RAB6B: variants seen among roughly 807,000 people sequenced by gnomAD.
RAB6B encodes RAB6B, member RAS oncogene family.
RAB6B carries 7 observed loss-of-function variants against 31.2 expected under a neutral mutation model. The ratio of observed to expected loss-of-function variants is 0.22; its 90% CI spans 0.13 to 0.42. The LOEUF is 0.42. Among genes scored for constraint, RAB6B ranks in the 10% least tolerant of loss-of-function variants. RAB6B has a pLI of 1.00. For missense variants in RAB6B, 149 were observed against 280.6 expected, an observed-to-expected ratio of 0.53 and a Z score of 3.35; for synonymous variants, 105 against 104.9, an observed-to-expected ratio of 1.00 and a Z score of -0.01.
At chr3:133,832,135 G>A (rs529507234) in intron 7 of RAB6B, among the ~76,000 whole-genome samples, 7 of 152,298 alleles carry the variant, frequency 4.6e-5, no homozygotes, top group African/African-American at 1.7e-4. Context: ...CTTTCTTTGC[G>A]TAAGCCAGCC....
At chr3:133,842,402 C>T (rs1210224336) in intron 2 of RAB6B, among the ~76,000 whole-genome samples, 1 of 152,262 alleles carries the variant, frequency 6.6e-6, no homozygotes, top group African/African-American at 2.4e-5. Context: ...CTGGGCCTCA[C>T]AGGCACCCGG....
At chr3:133,872,937 G>C (rs1043636410) in intron 1 of RAB6B, among the ~76,000 whole-genome samples, 1 of 152,170 alleles carries the variant, frequency 6.6e-6, no homozygotes, top group African/African-American at 2.4e-5. Flanking sequence ...GTGAGGGAGG[G>C]AGGGGTTAGC....
At chr3:133,884,202 T>C (rs1463240265) in intron 1 of RAB6B, among the ~76,000 whole-genome samples, 1 of 152,222 alleles carries the variant, frequency 6.6e-6, no homozygotes, top group East Asian at 1.9e-4. Flanking sequence ...TAACGTCCAG[T>C]GGGCACTGCC....
chr3:133,835,212 G>A (rs929531601), intron 6 of RAB6B, among the ~76,000 whole-genome samples: 2 of 152,180 alleles, frequency 1.3e-5, no homozygotes, highest in Non-Finnish European at 2.9e-5. Context: ...GGATGTGTAG[G>A]AGTGTGAGTT....
At position 133,828,653 on chromosome 3, in the gene RAB6B, T is replaced by C; in HGVS notation, c.*135A>G. On this transcript the variant is annotated 3_prime_UTR_variant, in exon 8 of 8. Transcript: ENST00000285208. The stretch of plus-strand genomic sequence containing the variant: ...CCCAGCCTCCCTCCCCATCCCACCC[T>C]ACTCCTAAAGACAGAGAGAAAAGAA... The C allele has an allele frequency of 1.8e-5, 9 of 501,868 alleles. No homozygotes were observed. Among genetic ancestry groups the C allele is most frequent in the Non-Finnish European group, 3.1e-5 (8 of 254,640 alleles). The allele number at this position is 501,868 out of a possible 1,614,324, so 31.1% of individuals were successfully genotyped here. A position where few individuals can be genotyped will look rare whatever the true frequency, so the allele number is the denominator to read the frequency against.
At chr3:133,888,932 AT>A (rs1559915241) in intron 1 of RAB6B, among the ~76,000 whole-genome samples, 1 of 152,002 alleles carries the variant, frequency 6.6e-6, no homozygotes, top group Non-Finnish European at 1.5e-5. Context: ...AAAGCTGTCC[AT>A]TTCAGGGCGT....
intron 2 of RAB6B, among the ~76,000 whole-genome samples, chr3:133,860,874 G>A (rs977454440): frequency 1.4e-4 from 21 of 152,238 alleles, no homozygotes; most frequent in Admixed American, 1.3e-3. Flanking sequence ...ACAAGCCAGT[G>A]GCTCTAAGTG....
rs961086643 is a variant in RAB6B at position 133,895,812 on chromosome 3, A to C, written c.-346T>G. Reference sequence around the variant, plus strand: ...GGCGCAGGGACGGCGCGCGGGGCGGAGGAGCGCTCTCCAGAGCCGCGCCAG... The same window carrying C: ...GGCGCAGGGACGGCGCGCGGGGCGGCGGAGCGCTCTCCAGAGCCGCGCCAG... On this transcript the variant is annotated 5_prime_UTR_variant, in exon 1 of 8. Coordinates refer to ENST00000285208, the MANE Select transcript of RAB6B (RefSeq NM_016577.4). 7 of 285,390 alleles carry C rather than the reference A, an allele frequency of 2.5e-5. No homozygotes were observed. In the East Asian group the frequency reaches 4.8e-4, roughly 20 times the overall value. 17.7% of individuals were successfully genotyped at this position (285,390 alleles called of 1,614,324 possible).
intron 1 of RAB6B, chr3:133,885,735 T>C: frequency 1.6e-6 from 1 of 636,576 alleles, no homozygotes; most frequent in Non-Finnish European, 2.8e-6. Context: ...AGTGTGGCCT[T>C]GCAGAGAGAG....
intron 1 of RAB6B, among the ~76,000 whole-genome samples, chr3:133,887,272 G>C (rs927153074): frequency 2.0e-5 from 3 of 152,310 alleles, no homozygotes; most frequent in Non-Finnish European, 4.4e-5. Flanking sequence ...CCCCATCCTT[G>C]TTGCTTGGCA....
chr3:133,831,334 A>C (rs1576391316), intron 7 of RAB6B, among the ~76,000 whole-genome samples: 1 of 152,224 alleles, frequency 6.6e-6, no homozygotes. Context: ...TGTCCAAAGA[A>C]CTTTCTCCAG....
intron 1 of RAB6B, among the ~76,000 whole-genome samples, chr3:133,880,898 T>C (rs1338385457): frequency 1.3e-5 from 2 of 152,182 alleles, no homozygotes; most frequent in Non-Finnish European, 2.9e-5. Flanking sequence ...AGTGATGGCC[T>C]TTCCAGTGAA....
intron 1 of RAB6B, among the ~76,000 whole-genome samples, chr3:133,886,129 C>T (rs923094143): frequency 6.6e-6 from 1 of 152,182 alleles, no homozygotes; most frequent in African/African-American, 2.4e-5. Flanking sequence ...CCCTGAACCA[C>T]ACCCGATTCC....
intron 3 of RAB6B, 79 bp from the exon 4 acceptor site, chr3:133,841,469 G>T: frequency 1.3e-6 from 2 of 1,546,282 alleles, no homozygotes; most frequent in Non-Finnish European, 1.8e-6. Flanking sequence ...GACTGGGAGA[G>T]CCGGGCTCTG....
intron 7 of RAB6B, among the ~76,000 whole-genome samples, chr3:133,833,383 C>T (rs991027984): frequency 5.3e-5 from 8 of 152,154 alleles, no homozygotes; most frequent in Admixed American, 3.9e-4. Context: ...TGGTGACACA[C>T]AGACCGTGGG....
rs1936697592 is a variant in RAB6B, at chr3:133,895,550, G to C, written c.-84C>G. On this transcript the variant is annotated 5_prime_UTR_variant, in exon 1 of 8. Transcript: ENST00000285208. ...GGAGAGTAGGAGGGCGAGGGGAGGCGGCCGGCGGTGCGGGAGCCGGAGGGG... is the reference window on the plus strand; with the variant it reads ...GGAGAGTAGGAGGGCGAGGGGAGGCCGCCGGCGGTGCGGGAGCCGGAGGGG... 10 of 1,423,004 alleles carry C rather than the reference G, an allele frequency of 7.0e-6. No homozygotes were observed. Among genetic ancestry groups the C allele is most frequent in the Non-Finnish European group, 9.8e-6 (10 of 1,023,622 alleles). The allele number at this position is 1,423,004 out of a possible 1,614,324, so 88.1% of individuals were successfully genotyped here. A position where few individuals can be genotyped will look rare whatever the true frequency, so the allele number is the denominator to read the frequency against.
intron 5 of RAB6B, 47 bp from the exon 6 acceptor site, chr3:133,838,306 C>G: frequency 6.4e-7 from 1 of 1,564,096 alleles, no homozygotes; most frequent in Non-Finnish European, 8.8e-7. Context: ...GAGAAGCAGA[C>G]CCTGGCAGAT....
chr3:133,840,727 T>C (rs1210002305), intron 4 of RAB6B, among the ~76,000 whole-genome samples: 2 of 146,882 alleles, frequency 1.4e-5, no homozygotes, highest in African/African-American at 2.5e-5. Flanking sequence ...CCTCTGGCCC[T>C]GTGCGCCCTT....
chr3:133,858,044 T>C (rs1395264814), intron 2 of RAB6B, among the ~76,000 whole-genome samples: 1 of 151,962 alleles, frequency 6.6e-6, no homozygotes, highest in Non-Finnish European at 1.5e-5. Flanking sequence ...CAGGCCTGCC[T>C]CCCACAAACT....
Sources: gnomAD v4.1 joint callset for allele counts (sites outside exome capture counted in the v4.1 genomes callset) on GRCh38, gnomAD v4.1.1 for gene constraint, MANE v1.5 for transcripts, NCBI Gene and HGNC (gene_info 2026-07-23, HGNC 2026-07-21) for gene names.